The following METRNL variants were observed in gnomAD, a reference collection of about 807,000 sequenced individuals.
The protein encoded by METRNL is meteorin-like protein.
METRNL carries 9 observed loss-of-function variants against 17.4 expected under a neutral mutation model. That is an observed-to-expected ratio of 0.52 (90% CI 0.31 to 0.90). METRNL has a LOEUF of 0.90. Ranked by LOEUF, METRNL falls within the 40% of genes least tolerant of loss-of-function variation. The probability of loss-of-function intolerance (pLI) is 0.05; values close to 1 mark genes in which losing one functional copy is unlikely to be tolerated. For synonymous variants in METRNL, 215 were observed against 199.3 expected (o/e 1.08, Z -0.66); for missense variants, 408 against 430.7 (o/e 0.95, Z 0.47).
chr17:83,087,018 G>A (rs1376845764), intron 2 of METRNL, among the ~76,000 whole-genome samples: 1 of 152,138 alleles, frequency 6.6e-6, no homozygotes, highest in Non-Finnish European at 1.5e-5. Flanking sequence ...GGGGTCCTGT[G>A]GGGTTGCAGG....
Position 83,086,502 on chromosome 17 carries a change from AG to A in METRNL, c.556+1184del, listed in dbSNP as rs529964095. On this transcript the variant is annotated intron_variant, in intron 2 of 3. Coordinates refer to ENST00000320095, the MANE Select transcript of METRNL (RefSeq NM_001004431.3). ...TTATGGTGGGTGGGAGACCTGGGGG[AG>A]GGGGTACCAGCCTTGCTCTGGGGGC... Among the ~76,000 whole-genome samples, 8 of 152,076 alleles carry A rather than the reference AG, an allele frequency of 5.3e-5. No individual in the cohort carries two copies. In the East Asian group the frequency reaches 1.6e-3, roughly 29 times the overall value.
At chr17:83,083,495 C>T (rs895829721) in intron 1 of METRNL, among the ~76,000 whole-genome samples, 4 of 152,234 alleles carry the variant, frequency 2.6e-5, no homozygotes, top group Non-Finnish European at 5.9e-5. Context: ...TTCCACACAG[C>T]ACGATCATCG....
Position 83,082,128 on chromosome 17 carries a change from C to T in METRNL, c.170+2143C>T, listed in dbSNP as rs923228080. On this transcript the variant is annotated intron_variant, in intron 1 of 3. Transcript: ENST00000320095. Reference sequence around the variant, plus strand: ...GTGGGGGGAGGCGGGACCAGCGCCCCGTCTTTATCAGCCAGTGCTCATAAA... The same window carrying T: ...GTGGGGGGAGGCGGGACCAGCGCCCTGTCTTTATCAGCCAGTGCTCATAAA... 1.8e-5 allele frequency: 18 copies of T among 985,314 alleles called. No homozygotes were observed. The African/African-American group carries it at 2.6e-4, about 14-fold the overall frequency. 61.0% of individuals were successfully genotyped at this position (985,314 alleles called of 1,614,324 possible).
intron 1 of METRNL, among the ~76,000 whole-genome samples, chr17:83,080,995 C>T (rs559069668): frequency 1.9e-4 from 29 of 151,674 alleles, no homozygotes; most frequent in East Asian, 3.9e-4. Flanking sequence ...CTCCCCGCAG[C>T]CGCAGCCTCC....
At chr17:83,082,322 G>A in intron 1 of METRNL, 1 of 927,250 alleles carries the variant, frequency 1.1e-6, no homozygotes, top group Non-Finnish European at 1.3e-6. Flanking sequence ...GTGACCCAGA[G>A]TTGTGGTGTG....
intron 1 of METRNL, among the ~76,000 whole-genome samples, chr17:83,081,457 C>T (rs1432962668): frequency 6.6e-6 from 1 of 152,166 alleles, no homozygotes; most frequent in Non-Finnish European, 1.5e-5. Flanking sequence ...GGGCGCCTCC[C>T]GGAGCCCGAA....
chr17:83,088,032 GAC>G (rs1353001259), intron 2 of METRNL, among the ~76,000 whole-genome samples: 1 of 152,210 alleles, frequency 6.6e-6, no homozygotes, highest in African/African-American at 2.4e-5. Flanking sequence ...AGTAAACTGA[GAC>G]ACGCCGATGA....
rs970734622 is a variant in METRNL, at chr17:83,094,516, A to G, written c.877A>G (p.Arg293Gly). 2 of 1,547,924 alleles carry G rather than the reference A, an allele frequency of 1.3e-6. No individual in the cohort carries two copies. Among genetic ancestry groups the G allele is most frequent in the Non-Finnish European group, 1.8e-6 (2 of 1,140,004 alleles). The change falls in exon 4 of 4, where the codon AGG becomes GGG. Residue 293 changes from arginine (R) to glycine (G), a missense_variant. Coordinates refer to ENST00000320095, the MANE Select transcript of METRNL (RefSeq NM_001004431.3). The part of the protein sequence containing the change: ...GCAPRFKDFQ[R>G]MYRDAQERGL... ...TGCCCCACGCTTCAAGGACTTCCAG[A>G]GGATGTACAGGGATGCCCAGGAGAG...
chr17:83,081,314 G>A (rs1229834604), intron 1 of METRNL, among the ~76,000 whole-genome samples: 6 of 152,118 alleles, frequency 3.9e-5, no homozygotes, highest in African/African-American at 1.4e-4. Flanking sequence ...GTGCATCCCC[G>A]AACCGAGGCC....
rs763580635 is a variant in METRNL at position 83,094,470 on chromosome 17, C to A, written c.831C>A (p.Phe277Leu). 2.5e-6 allele frequency: 4 copies of A among 1,585,792 alleles called. No individual in the cohort carries two copies. The highest frequency in any genetic ancestry group is 2.6e-6 in the Non-Finnish European group (3 of 1,160,076). The change falls in exon 4 of 4, where the codon TTC becomes TTA. Residue 277 changes from phenylalanine to leucine, a missense_variant. Transcript: ENST00000320095. ...GDFLFTGHMH[F>L]GEARLGCAPR... ...TCCTCTTCACTGGCCACATGCACTT[C>A]GGGGAGGCGCGGCTCGGCTGTGCCC... is the stretch of plus-strand genomic sequence containing the variant.
intron 1 of METRNL, chr17:83,083,943 T>G (rs1237400980): frequency 6.6e-6 from 1 of 152,264 alleles, no homozygotes; most frequent in Non-Finnish European, 1.5e-5. Context: ...ATGACGTGGC[T>G]GTTAGCCACG....
intron 2 of METRNL, chr17:83,092,524 G>A (rs1368466062): frequency 6.6e-6 from 1 of 151,048 alleles, no homozygotes. Flanking sequence ...GGTTGGGGGC[G>A]ACTCTGGGAG....
intron 1 of METRNL, among the ~76,000 whole-genome samples, chr17:83,080,579 C>G (rs867157089): frequency 0.036 from 3,326 of 93,292 alleles, 229 homozygotes; most frequent in Non-Finnish European, 0.06. Flanking sequence ...CCCCCCCCCC[C>G]ACCCGCGGTG....
At chr17:83,089,733 C>G (rs2038095100) in intron 2 of METRNL, among the ~76,000 whole-genome samples, 1 of 150,828 alleles carries the variant, frequency 6.6e-6, no homozygotes, top group Non-Finnish European at 1.5e-5. Context: ...TAATAATTGT[C>G]TCCCGATTGT....
At chr17:83,084,848 G>A (rs2038030915) in intron 1 of METRNL, 90 bp from the exon 2 acceptor site, 48 of 1,487,266 alleles carry the variant, frequency 3.2e-5, no homozygotes, top group Non-Finnish European at 4.3e-5. Flanking sequence ...ATCATTTGGA[G>A]CGGGTATCGT....
At chr17:83,089,648 C>G (rs113967605) in intron 2 of METRNL, among the ~76,000 whole-genome samples, 9,721 of 152,118 alleles carry the variant, frequency 0.064, 1,045 homozygotes, top group African/African-American at 0.22. Context: ...GCCGACCCTC[C>G]CCACCGCCCT....
At chr17:83,080,569 C>A (rs1206099887) in intron 1 of METRNL, among the ~76,000 whole-genome samples, 1 of 126,378 alleles carries the variant, frequency 7.9e-6, no homozygotes, top group Non-Finnish European at 1.8e-5. Flanking sequence ...TGGGCGACCC[C>A]CCCCCCCCCC....
intron 2 of METRNL, among the ~76,000 whole-genome samples, chr17:83,092,663 G>A (rs1393270189): frequency 2.0e-5 from 3 of 150,458 alleles, no homozygotes; most frequent in Non-Finnish European, 4.4e-5. Context: ...GGGTGCTCCC[G>A]GCGCCGTGGG....
chr17:83,094,053 G>A (rs758388483), intron 3 of METRNL, among the ~76,000 whole-genome samples: 5 of 152,220 alleles, frequency 3.3e-5, no homozygotes, highest in Non-Finnish European at 7.3e-5. Flanking sequence ...GTTCTCTGAC[G>A]ATGTCTAAGT....
Sources: gnomAD v4.1 joint callset for allele counts (sites outside exome capture counted in the v4.1 genomes callset) on GRCh38, gnomAD v4.1.1 for gene constraint, MANE v1.5 for transcripts, NCBI Gene and HGNC (gene_info 2026-07-23, HGNC 2026-07-21) for gene names.